YTHDC2: variants seen among roughly 807,000 people sequenced by gnomAD.
The protein encoded by YTHDC2 is YTH N6-methyladenosine RNA binding protein C2.
Under a neutral mutation model 174.9 loss-of-function variants are expected in YTHDC2, and 45 were observed. That is an observed-to-expected ratio of 0.26 (90% CI 0.20 to 0.33). YTHDC2 has a LOEUF of 0.33. Ranked by LOEUF, YTHDC2 falls within the 10% of genes least tolerant of loss-of-function variation. The pLI is 1.00. For missense variants in YTHDC2, 1,650 were observed against 1,723.7 expected (o/e 0.96, Z 0.76); for synonymous variants, 657 against 574.5 (o/e 1.14, Z -2.05).
At chr5:113,546,717 C>T (rs1470216525) in intron 10 of YTHDC2, among the ~76,000 whole-genome samples, 3 of 152,212 alleles carry the variant, frequency 2.0e-5, no homozygotes, top group African/African-American at 7.2e-5. Flanking sequence ...AGTGGTTTAG[C>T]TGAGTGGTCT....
chr5:113,557,176 G>A (rs1406544941), intron 17 of YTHDC2, among the ~76,000 whole-genome samples: 1 of 152,126 alleles, frequency 6.6e-6, no homozygotes, highest in Non-Finnish European at 1.5e-5. Context: ...TGGGGTTCTT[G>A]GAGTAAGGAG....
At chr5:113,529,491 T>TAAAG (rs1181600840) in intron 4 of YTHDC2, among the ~76,000 whole-genome samples, 18 of 152,300 alleles carry the variant, frequency 1.2e-4, no homozygotes, top group Admixed American at 1.2e-3. Flanking sequence ...AGAGTTAACA[T>TAAAG]CTTTCTGTAC....
chr5:113,553,889 A>G (rs1048286829), intron 15 of YTHDC2, 35 bp downstream of exon 15: 2 of 1,585,576 alleles, frequency 1.3e-6, no homozygotes, highest in Non-Finnish European at 1.7e-6. Context: ...TAACACTTTC[A>G]TTAGTTATTT....
chr5:113,522,220 G>C (rs13362066), intron 2 of YTHDC2, among the ~76,000 whole-genome samples: 48,620 of 147,426 alleles, frequency 0.33, 9,874 homozygotes, highest in African/African-American at 0.56. Context: ...GCAGTCATTT[G>C]AGATTTGGGC....
At chr5:113,516,318 T>C (rs1773423142) in intron 2 of YTHDC2, among the ~76,000 whole-genome samples, 1 of 152,198 alleles carries the variant, frequency 6.6e-6, no homozygotes, top group Admixed American at 6.5e-5. Flanking sequence ...TGATTAGAAA[T>C]GATTTTAAAA....
intron 18 of YTHDC2, among the ~76,000 whole-genome samples, chr5:113,562,344 A>T (rs1329737162): frequency 6.7e-6 from 1 of 148,878 alleles, no homozygotes; most frequent in African/African-American, 2.5e-5. Context: ...TCTAGGGAAG[A>T]TTAGCAGAAT....
intron 8 of YTHDC2, among the ~76,000 whole-genome samples, chr5:113,540,553 T>C (rs530934312): frequency 2.6e-5 from 4 of 152,236 alleles, no homozygotes; most frequent in African/African-American, 9.6e-5. Flanking sequence ...GGACCTTCTT[T>C]ACATGGCAGC....
intron 12 of YTHDC2, 104 bp from the exon 13 acceptor site, chr5:113,553,077 C>T (rs1053965826): frequency 9.0e-7 from 1 of 1,111,910 alleles, no homozygotes; most frequent in African/African-American, 1.7e-5. Flanking sequence ...CATTAAGTGT[C>T]ACTTACCTTA....
In YTHDC2 at chr5:113,541,128, C is replaced by A. The variant is rs774367338; in HGVS notation, c.1359+12C>A. The A allele has an allele frequency of 6.2e-7, 1 of 1,613,752 alleles. No individual in the cohort carries two copies. Among genetic ancestry groups the A allele is most frequent in the Non-Finnish European group, 8.5e-7 (1 of 1,179,904 alleles). On this transcript the variant is annotated intron_variant, in intron 9 of 29. Transcript: ENST00000161863. The stretch of plus-strand genomic sequence containing the variant: ...TCTTCAGTCAGCTGGTATGACCTCC[C>A]TGGTTTCCCACTCATATTTTGTGTG...
intron 17 of YTHDC2, 124 bp from the exon 18 acceptor site, chr5:113,560,956 T>C: frequency 4.1e-6 from 3 of 724,846 alleles, no homozygotes; most frequent in South Asian, 3.6e-5. Context: ...AGAAACAGAA[T>C]AGGATTTAAA....
At chr5:113,565,062 CT>C (rs1195075136) in intron 20 of YTHDC2, among the ~76,000 whole-genome samples, 3 of 152,130 alleles carry the variant, frequency 2.0e-5, no homozygotes, top group Admixed American at 1.3e-4. Flanking sequence ...GATCTGCCTG[CT>C]TTGGCCTCCC....
chr5:113,549,524 G>A (rs1022812520), intron 12 of YTHDC2, among the ~76,000 whole-genome samples: 9 of 152,206 alleles, frequency 5.9e-5, no homozygotes, highest in Non-Finnish European at 1.2e-4. Context: ...AGTAAAAAAA[G>A]AGTTAGTTAT....
Position 113,540,997 on chromosome 5 carries a change from T to C in YTHDC2, c.1240T>C (p.Trp414Arg), listed in dbSNP as rs1580528675. The change falls in exon 9 of 30, where the codon TGG (tryptophan) becomes CGG (arginine). Residue 414 changes from tryptophan to arginine, a missense_variant. By Grantham distance (101) the Trp-to-Arg change is moderately radical (BLOSUM62 -3). Coordinates refer to ENST00000161863, the MANE Select transcript of YTHDC2 (RefSeq NM_022828.5). ...GAAACAACAAACCACACTTACAGAA[T>C]GGTACTCAGCTCAAGAAAATAGTTT... ...EEKQQTTLTE[W>R]YSAQENSFKP... The C allele has an allele frequency of 6.2e-7, 1 of 1,613,930 alleles. No individual in the cohort carries two copies.
chr5:113,532,092 A>T (rs1331414170), intron 4 of YTHDC2, among the ~76,000 whole-genome samples: 2 of 152,204 alleles, frequency 1.3e-5, no homozygotes, highest in African/African-American at 4.8e-5. Context: ...AAATTACTTA[A>T]ATGTTTAATC....
intron 10 of YTHDC2, 92 bp downstream of exon 10, chr5:113,542,595 C>A: frequency 8.5e-7 from 1 of 1,175,776 alleles, no homozygotes; most frequent in Non-Finnish European, 1.2e-6. Context: ...CCAATAATTG[C>A]ACAACCAAAA....
chr5:113,535,633 T>A lies in YTHDC2; in HGVS notation c.946-9T>A, dbSNP rs1775000353. 1 of 1,594,116 alleles carries A rather than the reference T, an allele frequency of 6.3e-7. No homozygotes were observed. The highest frequency in any genetic ancestry group is 1.8e-5 in the Admixed American group (1 of 55,752). On this transcript the variant is annotated splice_polypyrimidine_tract_variant and intron_variant, in intron 6 of 29. Coordinates refer to ENST00000161863, the MANE Select transcript of YTHDC2 (RefSeq NM_022828.5). ...AACTGTTCCATGGTTTTATTTCTGT[T>A]TACTATAGGATGAAGTGCATGAAAG...
Position 113,567,184 on chromosome 5 carries a change from A to G in YTHDC2, c.2935A>G (p.Met979Val), listed in dbSNP as rs370686171. Residue 979 changes from methionine (M) to valine (V), a missense_variant, in exon 22 of 30, where the codon ATG (methionine) becomes GTG (valine). By Grantham distance (21) the Met-to-Val change is conservative (BLOSUM62 1). This residue lies in a region of YTHDC2 where 913 missense variants were observed against 940.4 expected (regional missense o/e 0.97). Coordinates refer to ENST00000161863, the MANE Select transcript of YTHDC2 (RefSeq NM_022828.5). ...CGTTAAAGCTGCATTGGTGGCAGGC[A>G]TGTATCCTAATTTAGTCCACGTGGA... The part of the protein sequence containing the change: ...AVVKAALVAG[M>V]YPNLVHVDRE... The G allele has an allele frequency of 1.9e-6, 3 of 1,613,776 alleles. No individual in the cohort carries two copies. The highest frequency in any genetic ancestry group is 1.3e-5 in the African/African-American group (1 of 74,874).
In YTHDC2 at chr5:113,538,497, G is replaced by A. The variant is rs1775234836; in HGVS notation, c.1103-577G>A. 1.3e-5 allele frequency among the ~76,000 whole-genome samples: 2 copies of A among 151,870 alleles called. 1 individual carries two copies. The highest frequency in any genetic ancestry group is 4.2e-4 in the South Asian group (2 of 4,800). On this transcript the variant is annotated intron_variant, in intron 7 of 29. Transcript: ENST00000161863. ...TTTTAGTTCCTTGAAACACCTTTAG[G>A]TCCTTGAAACTCCTTTCTAGCACAG...
intron 26 of YTHDC2, among the ~76,000 whole-genome samples, chr5:113,585,157 G>T (rs1778611937): frequency 6.6e-6 from 1 of 151,690 alleles, no homozygotes; most frequent in South Asian, 2.1e-4. Flanking sequence ...ATCGAAAACA[G>T]TGGTTTCTTT....
Sources: allele counts gnomAD v4.1 joint callset (sites outside exome capture counted in the v4.1 genomes callset), GRCh38; gene constraint gnomAD v4.1.1; regional missense constraint gnomAD v4.1.1; transcripts MANE v1.5; gene names NCBI Gene and HGNC (gene_info 2026-07-23, HGNC 2026-07-21).